The following GAS7 variants were observed in gnomAD, a reference collection of about 807,000 sequenced individuals.
GAS7 encodes growth arrest specific 7.
A neutral mutation model predicts 71.1 loss-of-function variants in GAS7; 28 were observed. The ratio of observed to expected loss-of-function variants is 0.39; its 90% CI spans 0.29 to 0.54. GAS7 has a LOEUF of 0.54. Among genes scored for constraint, GAS7 ranks in the 20% least tolerant of loss-of-function variants. The pLI is 0.62. For missense variants in GAS7, 436 were observed against 627.8 expected, an observed-to-expected ratio of 0.69 and a Z score of 3.27; for synonymous variants, 258 against 245.8, an observed-to-expected ratio of 1.05 and a Z score of -0.46.
chr17:10,028,277 G>C (rs940407294), intron 1 of GAS7, among the ~76,000 whole-genome samples: 1 of 152,074 alleles, frequency 6.6e-6, no homozygotes, highest in Admixed American at 6.6e-5. Flanking sequence ...GAGAGGCTGA[G>C]GGGGGAGGAC....
chr17:10,098,673 C>T (rs1023970744), intron 1 of GAS7, among the ~76,000 whole-genome samples: 4 of 152,148 alleles, frequency 2.6e-5, no homozygotes, highest in African/African-American at 9.7e-5. Flanking sequence ...ACAGATAAAA[C>T]AGGTGGCCGG....
chr17:10,028,199 G>A (rs956033471), intron 1 of GAS7, among the ~76,000 whole-genome samples: 4 of 152,150 alleles, frequency 2.6e-5, no homozygotes, highest in Non-Finnish European at 5.9e-5. Context: ...CACTGCGCCC[G>A]GCCTTAACAT....
intron 10 of GAS7, 138 bp from the exon 11 acceptor site, chr17:9,925,737 C>T (rs2067979047): frequency 1.1e-6 from 1 of 900,870 alleles, no homozygotes; most frequent in South Asian, 1.6e-5. Flanking sequence ...CAGAGAGGCC[C>T]AGCAGCCAGA....
intron 1 of GAS7, among the ~76,000 whole-genome samples, chr17:10,048,715 T>C (rs952291079): frequency 3.9e-5 from 6 of 152,102 alleles, no homozygotes; most frequent in South Asian, 4.1e-4. Context: ...GTGAAAGAAA[T>C]AGGAAGGTTC....
At chr17:10,037,041 C>T (rs2072766339) in intron 1 of GAS7, among the ~76,000 whole-genome samples, 1 of 152,198 alleles carries the variant, frequency 6.6e-6, no homozygotes, top group Non-Finnish European at 1.5e-5. Context: ...AGATAAAAAC[C>T]AACATAAAAA....
At chr17:9,975,094 C>T (rs1021720633) in intron 3 of GAS7, among the ~76,000 whole-genome samples, 1 of 152,226 alleles carries the variant, frequency 6.6e-6, no homozygotes, top group Admixed American at 6.5e-5. Flanking sequence ...GTGGCTCACG[C>T]CTGAAATCCC....
At chr17:10,185,987 G>C in intron 1 of GAS7, among the ~76,000 whole-genome samples, 1 of 125,988 alleles carries the variant, frequency 7.9e-6, no homozygotes, top group Admixed American at 1.0e-4. Context: ...ACGGAGTCTC[G>C]CTCTGACACC....
intron 3 of GAS7, among the ~76,000 whole-genome samples, chr17:9,980,226 T>C (rs1352685839): frequency 6.6e-6 from 1 of 152,228 alleles, no homozygotes; most frequent in Non-Finnish European, 1.5e-5. Flanking sequence ...TGCTGGCAAC[T>C]GTCATATGCC....
At chr17:10,131,202 C>G (rs1431748807) in intron 1 of GAS7, among the ~76,000 whole-genome samples, 1 of 152,258 alleles carries the variant, frequency 6.6e-6, no homozygotes, top group Non-Finnish European at 1.5e-5. Flanking sequence ...GCAGCGCTTA[C>G]TTGGTCTCTG....
At chr17:10,152,263 T>A (rs2074172233) in intron 1 of GAS7, among the ~76,000 whole-genome samples, 1 of 152,118 alleles carries the variant, frequency 6.6e-6, no homozygotes, top group Non-Finnish European at 1.5e-5. Flanking sequence ...AGATAGAACA[T>A]TATGACAGGC....
At chr17:10,104,050 C>T (rs997067247) in intron 1 of GAS7, among the ~76,000 whole-genome samples, 1 of 152,142 alleles carries the variant, frequency 6.6e-6, no homozygotes, top group African/African-American at 2.4e-5. Flanking sequence ...ATAAATATAT[C>T]CTTTGACCCC....
chr17:10,000,045 T>C (rs1325931945), intron 2 of GAS7, among the ~76,000 whole-genome samples: 1 of 152,190 alleles, frequency 6.6e-6, no homozygotes, highest in Non-Finnish European at 1.5e-5. Flanking sequence ...TTAAAACAGA[T>C]TGCAGCTGTT....
At chr17:10,011,712 C>A (rs1021855337) in intron 2 of GAS7, among the ~76,000 whole-genome samples, 3 of 152,194 alleles carry the variant, frequency 2.0e-5, no homozygotes, top group Non-Finnish European at 4.4e-5. Context: ...TGCGGTGGCT[C>A]ATGCCTGTAA....
Position 10,185,177 on chromosome 17 carries a change from G to A in GAS7, c.183+13031C>T, listed in dbSNP as rs147261689. Reference sequence around the variant, plus strand: ...TGACCTCAGGTGATCTACCTTCCTCGGCCTCCCAAAGTGCTGAGATTACAG... The same window carrying A: ...TGACCTCAGGTGATCTACCTTCCTCAGCCTCCCAAAGTGCTGAGATTACAG... On this transcript the variant is annotated intron_variant, in intron 1 of 13. Coordinates refer to ENST00000432992, the MANE Select transcript of GAS7 (RefSeq NM_201433.2). 4.9e-3 allele frequency among the ~76,000 whole-genome samples: 742 copies of A among 152,072 alleles called. 9 individuals are homozygous for A. Among genetic ancestry groups the A allele is most frequent in the African/African-American group, 0.017 (701 of 41,464 alleles).
At chr17:10,110,497 G>T (rs535089489) in intron 1 of GAS7, among the ~76,000 whole-genome samples, 2 of 151,948 alleles carry the variant, frequency 1.3e-5, no homozygotes, top group African/African-American at 4.8e-5. Flanking sequence ...ACGGAGTCTC[G>T]CTGTGACACC....
chr17:10,084,137 C>A (rs1248582097), intron 1 of GAS7, among the ~76,000 whole-genome samples: 2 of 152,048 alleles, frequency 1.3e-5, no homozygotes, highest in Non-Finnish European at 2.9e-5. Context: ...CACTGCACTC[C>A]AGCCTGGGCA....
chr17:9,934,222 G>T lies in GAS7; in HGVS notation c.829C>A (p.Gln277Lys). The T allele has an allele frequency of 6.2e-7, 1 of 1,612,234 alleles. No homozygotes were observed. Among genetic ancestry groups the T allele is most frequent in the Non-Finnish European group, 8.5e-7 (1 of 1,178,558 alleles). Residue 277 changes from glutamine to lysine, a missense_variant, in exon 9 of 14, where the codon CAG becomes AAG. Physicochemically the swap from Gln to Lys is moderately conservative, Grantham distance 53. Transcript: ENST00000432992. ...TCGTCCGCCAGGCTCTTCTTCACCT[G>T]GGCCCACGCCTCTCCCAAGGAGCTG... ...EEGSLGEAWA[Q>K]VKKSLADEAE...
intron 1 of GAS7, among the ~76,000 whole-genome samples, chr17:10,132,062 CAT>C (rs10606506): frequency 0.16 from 24,658 of 152,070 alleles, 3,276 homozygotes; most frequent in East Asian, 0.41. Flanking sequence ...TGTATAAAAA[CAT>C]GTACTCAATA....
intron 11 of GAS7, among the ~76,000 whole-genome samples, chr17:9,922,089 C>A (rs1455431752): frequency 6.6e-6 from 1 of 151,920 alleles, no homozygotes; most frequent in Non-Finnish European, 1.5e-5. Context: ...AACGATTGTA[C>A]CTTTACCAAG....
Sources: gnomAD v4.1 joint callset for allele counts (sites outside exome capture counted in the v4.1 genomes callset) on GRCh38, gnomAD v4.1.1 for gene constraint, MANE v1.5 for transcripts, NCBI Gene and HGNC (gene_info 2026-07-23, HGNC 2026-07-21) for gene names.